NRXN3: variants seen among roughly 807,000 people sequenced by gnomAD.
NRXN3 encodes the protein neurexin III.
NRXN3 carries 32 observed loss-of-function variants against 137.6 expected under a neutral mutation model. The observed-to-expected ratio is 0.23, with a 90% CI of 0.18 to 0.31. The LOEUF is 0.31. Among genes scored for constraint, NRXN3 ranks in the 10% least tolerant of loss-of-function variants. The pLI is 1.00. For synonymous variants in NRXN3, 798 were observed against 784.5 expected, an observed-to-expected ratio of 1.02 and a Z score of -0.29; for missense variants, 1,574 against 2,062.5, an observed-to-expected ratio of 0.76 and a Z score of 4.59.
intron 16 of NRXN3, among the ~76,000 whole-genome samples, chr14:79,480,967 C>T (rs2096602411): frequency 6.6e-6 from 1 of 152,108 alleles, no homozygotes. Context: ...ATAAATTACC[C>T]ACTCTCAGGT....
chr14:79,347,485 G>C (rs1232708866), intron 15 of NRXN3, among the ~76,000 whole-genome samples: 2 of 150,598 alleles, frequency 1.3e-5, no homozygotes, highest in African/African-American at 4.9e-5. Flanking sequence ...GCAGTGGCGT[G>C]ATCTCGGCTC....
intron 15 of NRXN3, among the ~76,000 whole-genome samples, chr14:79,118,291 A>G (rs1388179306): frequency 5.3e-5 from 8 of 152,222 alleles, no homozygotes; most frequent in Non-Finnish European, 1.2e-4. Flanking sequence ...AGCAAAAAAC[A>G]AGGGACATCA....
chr14:79,593,424 A>C (rs552051691), intron 16 of NRXN3, among the ~76,000 whole-genome samples: 20 of 152,010 alleles, frequency 1.3e-4, no homozygotes, highest in Non-Finnish European at 2.2e-4. Context: ...AGGTCAGGAG[A>C]TCGAGACCAT....
At chr14:78,196,184 T>G (rs1490824804) in intron 1 of NRXN3, among the ~76,000 whole-genome samples, 2 of 152,224 alleles carry the variant, frequency 1.3e-5, no homozygotes, top group Non-Finnish European at 2.9e-5. Context: ...CATCTCCGAG[T>G]ACTGCCTTTG....
intron 19 of NRXN3, among the ~76,000 whole-genome samples, chr14:79,780,552 T>C (rs1190116495): frequency 5.9e-5 from 9 of 151,980 alleles, no homozygotes; most frequent in Admixed American, 5.2e-4. Flanking sequence ...GAGCTTGCAG[T>C]GAGTCGAGAC....
Position 79,467,412 on chromosome 14 carries a change from G to A in NRXN3, c.3444+10G>A. ...CCTCCAGCTTCACATAGTGAGTACAGGGCCTTGGCCTGGATTTTCTTATGT... is the reference window on the plus strand; with the variant it reads ...CCTCCAGCTTCACATAGTGAGTACAAGGCCTTGGCCTGGATTTTCTTATGT... On this transcript the variant is annotated intron_variant, in intron 16 of 20. Transcript: ENST00000335750. 6.3e-7 allele frequency: 1 copy of A among 1,583,618 alleles called. No individual in the cohort carries two copies. The highest frequency in any genetic ancestry group is 8.6e-7 in the Non-Finnish European group (1 of 1,156,948).
intron 6 of NRXN3, among the ~76,000 whole-genome samples, chr14:78,668,677 C>A (rs910808379): frequency 7.9e-5 from 12 of 152,146 alleles, no homozygotes; most frequent in African/African-American, 2.9e-4. Flanking sequence ...ACTCTCTGGA[C>A]CAGACAGTAA....
intron 10 of NRXN3, among the ~76,000 whole-genome samples, chr14:78,891,138 T>A (rs2099157728): frequency 1.3e-5 from 2 of 151,868 alleles, no homozygotes; most frequent in African/African-American, 4.8e-5. Context: ...GATGGTGTGA[T>A]CTTTCTGGGA....
At position 79,207,341 on chromosome 14, in the gene NRXN3, C is replaced by T. The variant is rs544318085; in HGVS notation, c.3262+219200C>T. Among the ~76,000 whole-genome samples the T allele has an allele frequency of 4.3e-4, 65 of 152,234 alleles. No individual in the cohort carries two copies. The Middle Eastern group carries it at 0.01, about 24-fold the overall frequency. ...CCCAAGCGAACATGACACTTCTCTTCGAAAAACACTAGCTTCAATTGTAGA... is the reference window on the plus strand; with the variant it reads ...CCCAAGCGAACATGACACTTCTCTTTGAAAAACACTAGCTTCAATTGTAGA... On this transcript the variant is annotated intron_variant, in intron 15 of 20. Transcript: ENST00000335750.
At chr14:78,932,562 C>T (rs1275959526) in intron 10 of NRXN3, among the ~76,000 whole-genome samples, 1 of 152,066 alleles carries the variant, frequency 6.6e-6, no homozygotes, top group Non-Finnish European at 1.5e-5. Flanking sequence ...AAAAAGGATG[C>T]TATGACAATA....
intron 15 of NRXN3, among the ~76,000 whole-genome samples, chr14:79,067,757 C>A (rs2099682623): frequency 6.6e-6 from 1 of 152,000 alleles, no homozygotes; most frequent in Non-Finnish European, 1.5e-5. Context: ...ACTTTGTTAC[C>A]TTGGTAAAGA....
At chr14:78,778,677 C>CTT (rs747057755) in intron 8 of NRXN3, among the ~76,000 whole-genome samples, 2 of 119,146 alleles carry the variant, frequency 1.7e-5, no homozygotes, top group African/African-American at 3.0e-5. Context: ...TTTCTCTTTT[C>CTT]TTTTCTTTCT....
chr14:79,779,987 C>T (rs1390329612), intron 19 of NRXN3, among the ~76,000 whole-genome samples: 1 of 152,146 alleles, frequency 6.6e-6, no homozygotes, highest in Non-Finnish European at 1.5e-5. Flanking sequence ...GCCTCAGCCT[C>T]CCAAAGTTCT....
chr14:79,427,500 C>T (rs146958235), intron 15 of NRXN3, among the ~76,000 whole-genome samples: 29 of 152,092 alleles, frequency 1.9e-4, no homozygotes, highest in African/African-American at 2.7e-4. Context: ...TTGAAAGATA[C>T]ATGTAAATGA....
rs534478460 is a variant in NRXN3, at chr14:79,096,158, A to G, written c.3262+108017A>G. 2.7e-5 allele frequency among the ~76,000 whole-genome samples: 4 copies of G among 149,750 alleles called. No homozygotes were observed. In the South Asian group the frequency reaches 8.5e-4, roughly 32 times the overall value. On this transcript the variant is annotated intron_variant, in intron 15 of 20. Coordinates refer to ENST00000335750, the MANE Select transcript of NRXN3 (RefSeq NM_001330195.2). ...AATCTCCCTCTGTCACCCAGGCTGG[A>G]GTGCAGTGGCACCATCTCGGCTCAC...
chr14:78,867,641 C>T (rs1417989519), intron 10 of NRXN3, among the ~76,000 whole-genome samples: 1 of 152,068 alleles, frequency 6.6e-6, no homozygotes, highest in Non-Finnish European at 1.5e-5. Context: ...ATATCAGAGG[C>T]GTTCTTCCTG....
At chr14:79,491,910 C>T (rs1235870110) in intron 16 of NRXN3, among the ~76,000 whole-genome samples, 1 of 152,174 alleles carries the variant, frequency 6.6e-6, no homozygotes, top group Non-Finnish European at 1.5e-5. Context: ...TTTGAAGTTA[C>T]AAGTGTCTCT....
chr14:78,793,433 T>A (rs1409238517), intron 8 of NRXN3, among the ~76,000 whole-genome samples: 1 of 152,104 alleles, frequency 6.6e-6, no homozygotes, highest in African/African-American at 2.4e-5. Flanking sequence ...GAAGGACTCA[T>A]AGGACCCAGA....
At chr14:79,617,636 A>G (rs1035262255) in intron 16 of NRXN3, among the ~76,000 whole-genome samples, 2 of 152,120 alleles carry the variant, frequency 1.3e-5, no homozygotes, top group Non-Finnish European at 2.9e-5. Context: ...TAAAGGCAAT[A>G]ATTCCTATTT....
Sources: allele counts gnomAD v4.1 joint callset (sites outside exome capture counted in the v4.1 genomes callset), GRCh38; gene constraint gnomAD v4.1.1; transcripts MANE v1.5; gene names NCBI Gene and HGNC (gene_info 2026-07-23, HGNC 2026-07-21).